Variants in DNAH17 observed in about 807,000 individuals in gnomAD.
DNAH17 encodes dynein axonemal heavy chain 17.
In DNAH17, 376 loss-of-function variants were observed where a neutral mutation model predicts 485.6. The observed-to-expected ratio is 0.77, with a 90% CI of 0.71 to 0.84. DNAH17 has a LOEUF of 0.84. DNAH17 is among the 40% of genes least tolerant of loss of function. DNAH17 has a pLI of 0.00. For missense variants in DNAH17, 6,370 were observed against 5,839.3 expected (o/e 1.09, Z -2.96); for synonymous variants, 3,031 against 2,405.9 (o/e 1.26, Z -7.60).
In DNAH17 at chr17:78,450,244, C is replaced by T; in HGVS notation, c.11040+10G>A. ...TGAGGGAGGCACCCAGCCCCAGCTG[C>T]AGGGCGCACCTTGAGGGAGAACTGG... is the stretch of plus-strand genomic sequence containing the variant. On this transcript the variant is annotated intron_variant, in intron 68 of 80. Coordinates refer to ENST00000389840, the MANE Select transcript of DNAH17 (RefSeq NM_173628.4). 2 of 1,613,302 alleles carry T rather than the reference C, an allele frequency of 1.2e-6. No individual in the cohort carries two copies. The highest frequency in any genetic ancestry group is 1.7e-6 in the Non-Finnish European group (2 of 1,179,494).
chr17:78,474,962 TCA>T (rs879592038), intron 54 of DNAH17, among the ~76,000 whole-genome samples: 22,725 of 120,042 alleles, frequency 0.19, 2,601 homozygotes, highest in African/African-American at 0.39. Flanking sequence ...TTCACCTCAG[TCA>T]CATGGGCTGG....
At chr17:78,566,951 T>G (rs1251473344) in intron 10 of DNAH17, 48 bp downstream of exon 10, 2 of 1,570,836 alleles carry the variant, frequency 1.3e-6, no homozygotes, top group Admixed American at 1.8e-5. Flanking sequence ...CCGAGGCTGG[T>G]GCTGTTCTCA....
chr17:78,501,352 A>G lies in DNAH17; in HGVS notation c.5323-8T>C. The G allele has an allele frequency of 6.3e-7, 1 of 1,583,946 alleles. No homozygotes were observed. Among genetic ancestry groups the G allele is most frequent in the Non-Finnish European group, 8.6e-7 (1 of 1,157,280 alleles). On this transcript the variant is annotated splice_polypyrimidine_tract_variant and splice_region_variant and intron_variant, in intron 34 of 80. Coordinates refer to ENST00000389840, the MANE Select transcript of DNAH17 (RefSeq NM_173628.4). ...GGCCTGAGAACTCTCCACCTGCAGG[A>G]TGAGCCGGAGCTCTTGTTGCCAGGT...
intron 20 of DNAH17, among the ~76,000 whole-genome samples, chr17:78,531,802 G>C (rs1352389909): frequency 2.0e-5 from 3 of 152,210 alleles, no homozygotes; most frequent in Non-Finnish European, 2.9e-5. Flanking sequence ...CATCCATTCA[G>C]ACAATCTATA....
In DNAH17 at chr17:78,454,675, G is replaced by A. The variant is rs745675410; in HGVS notation, c.10201C>T (p.Pro3401Ser). Residue 3401 changes from proline (P) to serine (S), a missense_variant, in exon 64 of 81, where the codon CCC (proline) becomes TCC (serine). Pro to Ser is a moderately conservative substitution (Grantham distance 74). Transcript: ENST00000389840. ...GCGTCATCTGTCAGCAGGCTCAAGG[G>A]ATCCAGGCCATTCGTGATCGGGATG... is the stretch of plus-strand genomic sequence containing the variant. ...VPIPITNGLD[P>S]LSLLTDDADV... The A allele has an allele frequency of 6.2e-7, 1 of 1,612,888 alleles. No individual in the cohort carries two copies. The highest frequency in any genetic ancestry group is 1.1e-5 in the South Asian group (1 of 91,086).
At chr17:78,510,758 C>CCCT (rs1555679578) in intron 26 of DNAH17, 17 of 394,546 alleles carry the variant, frequency 4.3e-5, no homozygotes, top group African/African-American at 1.0e-4. Flanking sequence ...GCGGCCCCCC[C>CCCT]GCAAAATTCA....
chr17:78,453,278 C>T (rs2087633232), intron 65 of DNAH17, 65 bp downstream of exon 65: 1 of 1,580,786 alleles, frequency 6.3e-7, no homozygotes, highest in Non-Finnish European at 8.6e-7. Flanking sequence ...TCTACATGCA[C>T]ACGCCCAGGC....
chr17:78,561,626 G>T, intron 12 of DNAH17, 89 bp downstream of exon 12: 3 of 1,430,038 alleles, frequency 2.1e-6, no homozygotes, highest in East Asian at 2.5e-5. Flanking sequence ...CGACAGGAGG[G>T]GTGGTCCCGC....
chr17:78,434,925 C>T (rs545294099), intron 74 of DNAH17, among the ~76,000 whole-genome samples: 7 of 152,236 alleles, frequency 4.6e-5, no homozygotes, highest in Middle Eastern at 3.4e-3. Context: ...GCACAGTGGC[C>T]GAGGATCCCG....
In DNAH17 at chr17:78,484,899, G is replaced by A. The variant is rs754618695; in HGVS notation, c.7618C>T (p.Leu2540Phe). Reference sequence around the variant, plus strand: ...CGGTGGTCCATGTGCTGCCGGATGAGGGTGTGCGGGGCCACCGTCCCATAC... The same window carrying A: ...CGGTGGTCCATGTGCTGCCGGATGAAGGTGTGCGGGGCCACCGTCCCATAC... ...DKYGTVAPHTLIRQHMDHRHW... is the reference protein window; with the variant it reads ...DKYGTVAPHTFIRQHMDHRHW... Residue 2540 changes from leucine (L) to phenylalanine (F), a missense_variant, in exon 48 of 81, where the codon CTC becomes TTC. Leu to Phe is a conservative substitution (Grantham distance 22). Transcript: ENST00000389840. 1.1e-5 allele frequency: 18 copies of A among 1,586,132 alleles called. No individual in the cohort carries two copies. In the East Asian group the frequency reaches 3.2e-4, roughly 28 times the overall value.
intron 52 of DNAH17, among the ~76,000 whole-genome samples, chr17:78,476,078 C>A (rs1438220671): frequency 1.3e-5 from 2 of 152,108 alleles, no homozygotes; most frequent in Non-Finnish European, 2.9e-5. Context: ...GAAATGATTC[C>A]ACCAAGAACA....
At chr17:78,484,499 C>T (rs1163203418) in intron 48 of DNAH17, among the ~76,000 whole-genome samples, 1 of 152,158 alleles carries the variant, frequency 6.6e-6, no homozygotes, top group Admixed American at 6.5e-5. Flanking sequence ...TTCCTCAGGG[C>T]TCTTCCTTTA....
rs8073657 is a variant in DNAH17 at position 78,477,569 on chromosome 17, G to A, written c.7993-836C>T. On this transcript the variant is annotated intron_variant, in intron 51 of 80. Transcript: ENST00000389840. The stretch of plus-strand genomic sequence containing the variant: ...AATTTTTGTATTTTTAGTAGACACA[G>A]GGTTTCACCATGTTGGCCAGGCTGG... Among the ~76,000 whole-genome samples, 872 of 152,204 alleles carry A rather than the reference G, an allele frequency of 5.7e-3. 32 individuals carry two copies. The highest frequency in any genetic ancestry group is 0.05 in the Admixed American group (758 of 15,284).
Position 78,475,806 on chromosome 17 carries a change from T to C in DNAH17, c.8182A>G (p.Lys2728Glu), listed in dbSNP as rs749765193. 1 of 1,613,650 alleles carries C rather than the reference T, an allele frequency of 6.2e-7. No homozygotes were observed. The highest frequency in any genetic ancestry group is 1.7e-5 in the Admixed American group (1 of 59,956). Residue 2728 changes from lysine to glutamate, a missense_variant, in exon 53 of 81, where the codon AAG (lysine) becomes GAG (glutamate). Coordinates refer to ENST00000389840, the MANE Select transcript of DNAH17 (RefSeq NM_173628.4). ...GCAAAGTGGCAGAAGATATTTGGCT[T>C]GGCAAATAAGAGTTCATCACCAAGA... ...DDLGDELLFA[K>E]PNIFCHFAQG...
At chr17:78,526,514 A>T (rs181901351) in intron 24 of DNAH17, 137 bp downstream of exon 24, 8 of 693,582 alleles carry the variant, frequency 1.2e-5, no homozygotes, top group Admixed American at 3.0e-5. Flanking sequence ...ATGCATACAC[A>T]TAAGAGCACT....
intron 79 of DNAH17, among the ~76,000 whole-genome samples, chr17:78,426,201 T>G (rs940118884): frequency 1.3e-5 from 2 of 152,244 alleles, no homozygotes; most frequent in South Asian, 2.1e-4. Context: ...GGCTTACCCT[T>G]TGAGGGTCGC....
chr17:78,565,423 A>G (rs77057117), intron 11 of DNAH17, among the ~76,000 whole-genome samples: 3,507 of 152,340 alleles, frequency 0.023, 135 homozygotes, highest in African/African-American at 0.08. Context: ...TTGCAAGAGC[A>G]TTCAAAAGGG....
At chr17:78,523,522 TAA>T (rs78972421) in intron 25 of DNAH17, among the ~76,000 whole-genome samples, 4,102 of 152,002 alleles carry the variant, frequency 0.027, 80 homozygotes, top group Middle Eastern at 0.051. Flanking sequence ...TAAAAAAACT[TAA>T]AAAAAGTCAA....
intron 19 of DNAH17, among the ~76,000 whole-genome samples, chr17:78,535,011 A>C (rs2091336606): frequency 6.6e-6 from 1 of 152,150 alleles, no homozygotes; most frequent in African/African-American, 2.4e-5. Flanking sequence ...GCTTGGCACC[A>C]GGTAAGACTC....
Sources: gnomAD v4.1 joint callset for allele counts (sites outside exome capture counted in the v4.1 genomes callset) on GRCh38, gnomAD v4.1.1 for gene constraint, MANE v1.5 for transcripts, NCBI Gene and HGNC (gene_info 2026-07-23, HGNC 2026-07-21) for gene names.